The following TEX11 variants were observed in gnomAD, a reference collection of about 807,000 sequenced individuals.
The protein encoded by TEX11 is testis-expressed protein 11.
Under a neutral mutation model 84.4 loss-of-function variants are expected in TEX11, and 7 were observed. That is an observed-to-expected ratio of 0.08 (90% CI 0.05 to 0.16). TEX11 has a LOEUF of 0.16. Among genes scored for constraint, TEX11 ranks in the 10% least tolerant of loss-of-function variants. The pLI is 1.00. For missense variants in TEX11, 551 were observed against 660.5 expected (o/e 0.83, Z 1.82); for synonymous variants, 264 against 222.8 (o/e 1.18, Z -1.64).
chrX:70,671,122 A>T (rs1033083566), intron 15 of TEX11, among the ~76,000 whole-genome samples: 5 of 111,652 alleles, frequency 4.5e-5, no homozygotes. Flanking sequence ...TACTATTGTA[A>T]TTGATGCTGC....
intron 28 of TEX11, among the ~76,000 whole-genome samples, chrX:70,540,739 G>C (rs948842730): frequency 9.0e-6 from 1 of 111,553 alleles, no homozygotes; most frequent in Non-Finnish European, 1.9e-5. Context: ...GGTCAATCTT[G>C]AGCCTGCAAG....
intron 24 of TEX11, 120 bp from the exon 25 acceptor site, chrX:70,591,943 T>C: frequency 2.2e-6 from 1 of 459,041 alleles, no homozygotes; most frequent in Non-Finnish European, 3.6e-6. Flanking sequence ...AGAAAAATGA[T>C]AGTTTAAACT....
At chrX:70,744,331 C>T (rs2147748925) in intron 9 of TEX11, 112 bp from the exon 10 acceptor site, 1 of 248,132 alleles carries the variant, frequency 4.0e-6, no homozygotes. Context: ...TATAAGCATA[C>T]TTTATTCCAA....
At chrX:70,863,339 G>A (rs1286636286) in intron 4 of TEX11, among the ~76,000 whole-genome samples, 1 of 111,802 alleles carries the variant, frequency 8.9e-6, no homozygotes, top group Non-Finnish European at 1.9e-5. Flanking sequence ...GCTGGCATTA[G>A]GCTGGTGCCC....
At chrX:70,848,923 T>C (rs2091493268) in intron 7 of TEX11, among the ~76,000 whole-genome samples, 1 of 111,577 alleles carries the variant, frequency 9.0e-6, no homozygotes, top group Admixed American at 9.6e-5. Flanking sequence ...CCCTTGCATC[T>C]GCAGATGATG....
chrX:70,792,463 T>C (rs765875554), intron 9 of TEX11, among the ~76,000 whole-genome samples: 73 of 96,521 alleles, frequency 7.6e-4, no homozygotes, highest in Non-Finnish European at 1.2e-3. Context: ...AAATTAACAA[T>C]GTAACATCAC....
Position 70,770,673 on chromosome X carries a change from T to C in TEX11, c.693-26454A>G, listed in dbSNP as rs1458667389. ...CAAAGTATATAAATATATTAAATTA[T>C]CACATGTTCCCTGAAAAGATGTATA... is the stretch of plus-strand genomic sequence containing the variant. On this transcript the variant is annotated intron_variant, in intron 9 of 29. Coordinates refer to ENST00000374333, the MANE Select transcript of TEX11 (RefSeq NM_031276.3). Among the ~76,000 whole-genome samples, 3 of 111,695 alleles carry C rather than the reference T, an allele frequency of 2.7e-5. No individual in the cohort carries two copies. The East Asian group carries it at 8.3e-4, about 31-fold the overall frequency.
At chrX:70,897,037 C>T (rs751808090) in intron 2 of TEX11, among the ~76,000 whole-genome samples, 176 of 105,952 alleles carry the variant, frequency 1.7e-3, no homozygotes, top group Admixed American at 5.4e-3. Flanking sequence ...GAGGCTGAGG[C>T]AAGAGGATCG....
At chrX:70,580,625 AAG>A (rs918500589) in intron 25 of TEX11, among the ~76,000 whole-genome samples, 1 of 112,636 alleles carries the variant, frequency 8.9e-6, no homozygotes, top group African/African-American at 3.2e-5. Flanking sequence ...TTTTATTTAA[AAG>A]AGTTATGTCA....
intron 9 of TEX11, among the ~76,000 whole-genome samples, chrX:70,803,993 T>A (rs2091203849): frequency 1.1e-5 from 1 of 92,412 alleles, no homozygotes; most frequent in African/African-American, 3.9e-5. Context: ...AAAAACAATG[T>A]TTTTTTTTTT....
At chrX:70,539,036 A>ATTTTTTTT (rs1384640066) in intron 28 of TEX11, among the ~76,000 whole-genome samples, 7 of 15,624 alleles carry the variant, frequency 4.5e-4, no homozygotes, top group African/African-American at 1.2e-3. Flanking sequence ...ATATATATAT[A>ATTTTTTTT]TATTTTTTTT....
chrX:70,610,598 A>T, intron 20 of TEX11, 55 bp from the exon 21 acceptor site: 7 of 1,116,154 alleles, frequency 6.3e-6, no homozygotes, highest in Non-Finnish European at 8.5e-6. Context: ...ACTATAAAAC[A>T]TAACTAAAAA....
intron 9 of TEX11, among the ~76,000 whole-genome samples, chrX:70,752,221 T>A (rs1186320853): frequency 3.6e-5 from 4 of 111,822 alleles, no homozygotes; most frequent in Middle Eastern, 4.6e-3. Context: ...CTTGAGTTTT[T>A]AAACATATAT....
chrX:70,768,649 A>G (rs2090955460), intron 9 of TEX11, among the ~76,000 whole-genome samples: 1 of 111,214 alleles, frequency 9.0e-6, no homozygotes, highest in Admixed American at 9.6e-5. Flanking sequence ...ACTCACTATC[A>G]TGAGAACAGC....
chrX:70,581,749 T>C (rs780850611), intron 25 of TEX11, among the ~76,000 whole-genome samples: 38 of 112,119 alleles, frequency 3.4e-4, no homozygotes, highest in African/African-American at 1.0e-3. Flanking sequence ...TCTGCTATAA[T>C]GTTTGTGAGA....
chrX:70,861,950 C>T (rs1164095645), intron 4 of TEX11, among the ~76,000 whole-genome samples: 5 of 111,074 alleles, frequency 4.5e-5, no homozygotes, highest in East Asian at 5.6e-4. Context: ...GAATAGTTTT[C>T]GATTTCTCTC....
chrX:70,707,890 C>T (rs1046406182), intron 13 of TEX11, among the ~76,000 whole-genome samples: 1 of 110,108 alleles, frequency 9.1e-6, no homozygotes, highest in Non-Finnish European at 1.9e-5. Flanking sequence ...GGTTAAGTCC[C>T]CAAAAGCAAT....
chrX:70,801,362 C>T (rs963234267), intron 9 of TEX11, among the ~76,000 whole-genome samples: 3 of 111,631 alleles, frequency 2.7e-5, no homozygotes, highest in African/African-American at 9.8e-5. Context: ...ATGGCTGAAT[C>T]TTGATGGCTG....
At chrX:70,862,641 C>T (rs1378206139) in intron 4 of TEX11, among the ~76,000 whole-genome samples, 1 of 109,440 alleles carries the variant, frequency 9.1e-6, no homozygotes, top group Non-Finnish European at 1.9e-5. Flanking sequence ...TGGTGGCTCA[C>T]ACCTGTAACC....
Sources: gnomAD v4.1 joint callset for allele counts (sites outside exome capture counted in the v4.1 genomes callset) on GRCh38, gnomAD v4.1.1 for gene constraint, MANE v1.5 for transcripts, NCBI Gene and HGNC (gene_info 2026-07-23, HGNC 2026-07-21) for gene names.